RPS6KA5: variants seen among roughly 807,000 people sequenced by gnomAD.
The protein encoded by RPS6KA5 is ribosomal protein S6 kinase alpha-5.
Under a neutral mutation model 85.5 loss-of-function variants are expected in RPS6KA5, and 27 were observed. That is an observed-to-expected ratio of 0.32 (90% CI 0.23 to 0.44). The LOEUF (loss-of-function observed/expected upper bound fraction) is 0.44. Ranked by LOEUF, RPS6KA5 falls within the 20% of genes least tolerant of loss-of-function variation. The pLI, the probability that RPS6KA5 is intolerant of heterozygous loss-of-function variation, is 1.00. For synonymous variants in RPS6KA5, 334 were observed against 348.2 expected (o/e 0.96, Z 0.46); for missense variants, 811 against 980.9 (o/e 0.83, Z 2.31).
intron 1 of RPS6KA5, among the ~76,000 whole-genome samples, chr14:91,044,445 G>GAAAGA (rs1555383461): frequency 3.4e-5 from 5 of 147,620 alleles, no homozygotes; most frequent in African/African-American, 1.2e-4. Flanking sequence ...AAGAAAGAAA[G>GAAAGA]AAAATTACCC....
In RPS6KA5 at chr14:91,041,783, C is replaced by T. The variant is rs76512034; in HGVS notation, c.103+18549G>A. The stretch of plus-strand genomic sequence containing the variant: ...TTAAAACAATGCTGCCCACTTTGCT[C>T]TTATTGTCAGGTCACTTACCTTGAA... On this transcript the variant is annotated intron_variant, in intron 1 of 16. Transcript: ENST00000614987. 3.5e-3 allele frequency among the ~76,000 whole-genome samples: 526 copies of T among 152,306 alleles called. 5 individuals carry two copies. Among genetic ancestry groups the T allele is most frequent in the Non-Finnish European group, 4.0e-3 (274 of 68,036 alleles).
chr14:90,899,988 T>G, intron 11 of RPS6KA5, 120 bp downstream of exon 11: 1 of 799,254 alleles, frequency 1.3e-6, no homozygotes. Context: ...AGCCAAGTGG[T>G]TAAACCTTTG....
At chr14:90,914,320 T>TTG (rs1181916959) in intron 7 of RPS6KA5, among the ~76,000 whole-genome samples, 5 of 142,190 alleles carry the variant, frequency 3.5e-5, no homozygotes, top group East Asian at 2.1e-4. Flanking sequence ...TTTTTTTTTT[T>TTG]TTTTTTTTTT....
intron 4 of RPS6KA5, among the ~76,000 whole-genome samples, chr14:90,944,771 T>C (rs552667363): frequency 8.6e-4 from 127 of 147,266 alleles, no homozygotes; most frequent in African/African-American, 2.5e-3. Context: ...AAAAAAAAAT[T>C]AGCTGGGTGT....
At chr14:90,894,829 T>C (rs1314608310) in intron 12 of RPS6KA5, among the ~76,000 whole-genome samples, 1 of 152,226 alleles carries the variant, frequency 6.6e-6, no homozygotes, top group African/African-American at 2.4e-5. Flanking sequence ...CCTTTTTCCC[T>C]TCTGTGATGA....
At chr14:90,880,834 T>A (rs1234217776) in intron 14 of RPS6KA5, among the ~76,000 whole-genome samples, 3 of 150,178 alleles carry the variant, frequency 2.0e-5, no homozygotes, top group Non-Finnish European at 4.5e-5. Flanking sequence ...TTGTAAACTT[T>A]TTTTTTTTTT....
At chr14:91,009,628 G>A (rs1334737243) in intron 1 of RPS6KA5, among the ~76,000 whole-genome samples, 1 of 152,162 alleles carries the variant, frequency 6.6e-6, no homozygotes, top group Admixed American at 6.5e-5. Context: ...TCTGGTGAAT[G>A]GCAGTGTTAC....
chr14:90,995,232 G>A (rs755075917), intron 2 of RPS6KA5, among the ~76,000 whole-genome samples: 1 of 152,080 alleles, frequency 6.6e-6, no homozygotes. Flanking sequence ...TCCCATGCTG[G>A]CCTCAGCCTC....
rs199625173 is a variant in RPS6KA5 at position 91,035,847 on chromosome 14, C to CAAA, written c.103+24482_103+24484dup. 2.4e-3 allele frequency among the ~76,000 whole-genome samples: 167 copies of CAAA among 69,834 alleles called. 1 individual carries two copies. Among genetic ancestry groups the CAAA allele is most frequent in the Non-Finnish European group, 3.3e-3 (130 of 39,992 alleles). The allele number at this position is 69,834 out of a possible 152,430, so 45.8% of individuals were successfully genotyped here. ...TTTCAGCTGATGAAACCCTCACCTTCAAAAAAAAAAAAAAAAAAAAAAAAA... is the reference window on the plus strand; with the variant it reads ...TTTCAGCTGATGAAACCCTCACCTTCAAAAAAAAAAAAAAAAAAAAAAAAAAAA... On this transcript the variant is annotated intron_variant, in intron 1 of 16. Transcript: ENST00000614987.
chr14:91,023,571 C>G (rs2041873471), intron 1 of RPS6KA5, among the ~76,000 whole-genome samples: 1 of 152,156 alleles, frequency 6.6e-6, no homozygotes, highest in Non-Finnish European at 1.5e-5. Flanking sequence ...CGGCATGAGC[C>G]ACCGTGCCCA....
At chr14:90,884,420 G>C (rs994184570) in intron 14 of RPS6KA5, among the ~76,000 whole-genome samples, 1 of 152,204 alleles carries the variant, frequency 6.6e-6, no homozygotes, top group Non-Finnish European at 1.5e-5. Context: ...TGCTCAACCA[G>C]TATGTATTCT....
In RPS6KA5 at chr14:90,890,739, C is replaced by T. The variant is rs929943821; in HGVS notation, c.1645-61G>A. ...AGGCATGTCTTGGGAATTGCTGGTA[C>T]TATTTATGTAACACTTTGTATATTG... On this transcript the variant is annotated intron_variant, in intron 13 of 16. Coordinates refer to ENST00000614987, the MANE Select transcript of RPS6KA5 (RefSeq NM_004755.4). 15 of 1,440,436 alleles carry T rather than the reference C, an allele frequency of 1.0e-5. No individual in the cohort carries two copies. The East Asian group carries it at 3.4e-4, about 33-fold the overall frequency. The allele number at this position is 1,440,436 out of a possible 1,614,324, so 89.2% of individuals were successfully genotyped here. A position where few individuals can be genotyped will look rare whatever the true frequency, so the allele number is the denominator to read the frequency against.
chr14:90,951,033 T>C (rs960805245), intron 3 of RPS6KA5, among the ~76,000 whole-genome samples: 4 of 149,224 alleles, frequency 2.7e-5, no homozygotes, highest in African/African-American at 9.9e-5. Flanking sequence ...GGCAGGAAAA[T>C]TGCTTGAACC....
chr14:90,986,949 C>T (rs528574222), intron 2 of RPS6KA5, among the ~76,000 whole-genome samples: 1 of 152,282 alleles, frequency 6.6e-6, no homozygotes, highest in East Asian at 1.9e-4. Context: ...CACATAAATC[C>T]AAATCCATGT....
intron 1 of RPS6KA5, among the ~76,000 whole-genome samples, chr14:91,031,299 A>T (rs2042175846): frequency 6.6e-6 from 1 of 152,156 alleles, no homozygotes; most frequent in Admixed American, 6.6e-5. Flanking sequence ...CATAATGAAG[A>T]CATTTTAATA....
intron 1 of RPS6KA5, chr14:91,052,481 A>C (rs1472107961): frequency 1.2e-5 from 3 of 245,386 alleles, no homozygotes; most frequent in Non-Finnish European, 2.4e-5. Flanking sequence ...AAAAAAAAAA[A>C]AAACAGATTT....
At chr14:90,994,084 G>C (rs1234737689) in intron 2 of RPS6KA5, among the ~76,000 whole-genome samples, 1 of 151,786 alleles carries the variant, frequency 6.6e-6, no homozygotes, top group African/African-American at 2.4e-5. Context: ...CTAGAGGCAG[G>C]GTCTCACTAT....
intron 1 of RPS6KA5, among the ~76,000 whole-genome samples, chr14:91,015,313 A>C (rs2041441558): frequency 1.3e-5 from 2 of 152,304 alleles, no homozygotes; most frequent in East Asian, 3.9e-4. Flanking sequence ...GTATACCTTC[A>C]TTTACAATAG....
chr14:90,936,872 G>A (rs987710537), intron 5 of RPS6KA5, among the ~76,000 whole-genome samples: 1 of 152,104 alleles, frequency 6.6e-6, no homozygotes. Flanking sequence ...CTGACAGAAA[G>A]GCAGATTTTG....
Sources: allele counts gnomAD v4.1 joint callset (sites outside exome capture counted in the v4.1 genomes callset), GRCh38; gene constraint gnomAD v4.1.1; transcripts MANE v1.5; gene names NCBI Gene and HGNC (gene_info 2026-07-23, HGNC 2026-07-21).